Variants in ZBBX observed in about 807,000 individuals in gnomAD.
ZBBX encodes the protein zinc finger B-box domain-containing protein 1.
ZBBX carries 101 observed loss-of-function variants against 108.5 expected under a neutral mutation model. The observed-to-expected ratio is 0.93, with a 90% confidence interval of 0.79 to 1.10. ZBBX has a LOEUF of 1.10. Ranked by LOEUF, ZBBX falls within the 50% of genes least tolerant of loss-of-function variation. The pLI is 0.00. For missense variants in ZBBX, 1,009 were observed against 941.4 expected (o/e 1.07, Z -0.94); for synonymous variants, 356 against 323.4 (o/e 1.10, Z -1.08).
Position 167,298,412 on chromosome 3 carries a change from T to C in ZBBX, c.1772A>G (p.Tyr591Cys). ...AATAAAGAATCTCTCAAGTCCTTGA[T>C]ATTGTTTTGTTATAGGCTTACTTCT... Reference protein sequence around the residue: ...ACRSKPITKQYQGLERFFIFD... With the variant: ...ACRSKPITKQCQGLERFFIFD... Residue 591 changes from tyrosine (Y) to cysteine (C), a missense_variant, in exon 18 of 22, where the codon TAT becomes TGT. Physicochemically the swap from Tyr to Cys is radical, Grantham distance 194. Coordinates refer to ENST00000675490, the MANE Select transcript of ZBBX (RefSeq NM_001199201.2). 1 of 1,582,882 alleles carries C rather than the reference T, an allele frequency of 6.3e-7. No homozygotes were observed. The highest frequency in any genetic ancestry group is 8.6e-7 in the Non-Finnish European group (1 of 1,160,816).
the ZBBX span, among the ~76,000 whole-genome samples, chr3:167,216,521 C>A: frequency 2.2e-4 from 33 of 152,096 alleles, no homozygotes; most frequent in Non-Finnish European, 4.3e-4. Context: ...TAGGAAGAAT[C>A]AATGGTACTA....
rs141006972 is a variant in ZBBX, at chr3:167,347,017, G to A, written c.528+3403C>T. On this transcript the variant is annotated intron_variant, in intron 9 of 21. Transcript: ENST00000675490. Reference sequence around the variant, plus strand: ...ATCAGAATAGTGAATTTCTGAGGGGGAATATATCATCATAAACACTATATC... The same window carrying A: ...ATCAGAATAGTGAATTTCTGAGGGGAAATATATCATCATAAACACTATATC... Among the ~76,000 whole-genome samples, 12 of 151,822 alleles carry A rather than the reference G, an allele frequency of 7.9e-5. No individual in the cohort carries two copies. In the East Asian group the frequency reaches 2.3e-3, roughly 29 times the overall value.
Position 167,397,142 on chromosome 3 carries a change from T to TAAAAAAAAAAAAAAAAAAAAA in ZBBX, c.-446+10563_-446+10583dup, listed in dbSNP as rs61671930. 3.7e-4 allele frequency among the ~76,000 whole-genome samples: 27 copies of TAAAAAAAAAAAAAAAAAAAAA among 72,412 alleles called. 1 individual carries two copies. Among genetic ancestry groups the TAAAAAAAAAAAAAAAAAAAAA allele is most frequent in the African/African-American group, 1.0e-3 (19 of 18,712 alleles). 47.5% of individuals were successfully genotyped at this position (72,412 alleles called of 152,430 possible). A position where few individuals can be genotyped will look rare whatever the true frequency, so the allele number is the denominator to read the frequency against. Reference sequence around the variant, plus strand: ...GTCGTGAAGAAGAGGTTCTTGGTGGTAAAAAAAAAAAAAAAAAAAAAAAAT... The same window carrying TAAAAAAAAAAAAAAAAAAAAA: ...GTCGTGAAGAAGAGGTTCTTGGTGGTAAAAAAAAAAAAAAAAAAAAAAAAAAAAAAAAAAAAAAAAAAAAAT... On this transcript the variant is annotated intron_variant, in intron 1 of 21. Transcript: ENST00000455345.
chr3:167,256,753 C>T (rs752877772), intron 20 of ZBBX, among the ~76,000 whole-genome samples: 3 of 152,018 alleles, frequency 2.0e-5, no homozygotes, highest in Non-Finnish European at 4.4e-5. Context: ...GCTTATTTAA[C>T]TTAATGTAAT....
chr3:167,262,844 T>A (rs1478834255), intron 20 of ZBBX, among the ~76,000 whole-genome samples: 1 of 152,180 alleles, frequency 6.6e-6, no homozygotes, highest in African/African-American at 2.4e-5. Flanking sequence ...TCTATTTGGC[T>A]CTTCTCTCAT....
intron 20 of ZBBX, among the ~76,000 whole-genome samples, chr3:167,274,053 T>A (rs1262816672): frequency 6.6e-6 from 1 of 152,220 alleles, no homozygotes; most frequent in African/African-American, 2.4e-5. Flanking sequence ...AGAATGGCCC[T>A]AGACATGACG....
At chr3:167,232,728 T>G in the ZBBX span, among the ~76,000 whole-genome samples, 7 of 151,946 alleles carry the variant, frequency 4.6e-5, no homozygotes, top group Middle Eastern at 3.4e-3. Flanking sequence ...AATTAAGAAG[T>G]GTTTATGATG....
intron 20 of ZBBX, among the ~76,000 whole-genome samples, chr3:167,251,858 G>A (rs942840324): frequency 2.5e-4 from 38 of 151,800 alleles, no homozygotes; most frequent in African/African-American, 8.2e-4. Context: ...CCTGACAGGG[G>A]AACCTGGTTA....
intron 12 of ZBBX, among the ~76,000 whole-genome samples, chr3:167,319,682 T>A (rs373204958): frequency 2.0e-5 from 3 of 151,988 alleles, no homozygotes; most frequent in East Asian, 3.9e-4. Flanking sequence ...GGTGGAAAAT[T>A]TGTTTCTTTC....
intron 20 of ZBBX, among the ~76,000 whole-genome samples, chr3:167,280,270 C>T (rs1407587707): frequency 6.6e-6 from 1 of 150,932 alleles, no homozygotes; most frequent in Non-Finnish European, 1.5e-5. Flanking sequence ...AAGTAAACAG[C>T]TTCTGCACAG....
chr3:167,220,838 C>A, the ZBBX span, among the ~76,000 whole-genome samples: 7 of 151,770 alleles, frequency 4.6e-5, no homozygotes, highest in South Asian at 1.5e-3. Context: ...GTCTAAAGAC[C>A]ACCAAAAAAC....
chr3:167,407,385 A>G (rs1191421582), intron 1 of ZBBX, among the ~76,000 whole-genome samples: 1 of 152,104 alleles, frequency 6.6e-6, no homozygotes, highest in Non-Finnish European at 1.5e-5. Flanking sequence ...AAATAGGTAC[A>G]ATACTGTTTG....
intron 10 of ZBBX, among the ~76,000 whole-genome samples, chr3:167,329,579 G>T (rs1469120288): frequency 1.3e-5 from 2 of 152,120 alleles, no homozygotes; most frequent in African/African-American, 4.8e-5. Flanking sequence ...ATTGGATTTT[G>T]AAAGATAAAA....
intron 19 of ZBBX, 43 bp downstream of exon 19, chr3:167,288,824 G>T (rs7625651): frequency 0.32 from 449,510 of 1,393,368 alleles, 75,732 homozygotes; most frequent in East Asian, 0.63. Context: ...ACTAAAGGAA[G>T]TAAGCTGCCA....
chr3:167,305,575 G>A, intron 17 of ZBBX, 68 bp downstream of exon 17: 1 of 1,187,782 alleles, frequency 8.4e-7, no homozygotes. Context: ...AATGTATTGT[G>A]TCACTAAGAC....
At chr3:167,328,176 T>C in intron 10 of ZBBX, 60 bp from the exon 11 acceptor site, 1 of 1,510,046 alleles carries the variant, frequency 6.6e-7, no homozygotes, top group East Asian at 2.3e-5. Context: ...CCACAAAAAT[T>C]GTTTTAATAA....
At position 167,330,832 on chromosome 3, in the gene ZBBX, G is replaced by A. The variant is rs574915206; in HGVS notation, c.688-2716C>T. 3.0e-5 allele frequency among the ~76,000 whole-genome samples: 4 copies of A among 134,120 alleles called. No individual in the cohort carries two copies. In the East Asian group the frequency reaches 9.7e-4, roughly 32 times the overall value. 88.0% of individuals were successfully genotyped at this position (134,120 alleles called of 152,430 possible). On this transcript the variant is annotated intron_variant, in intron 10 of 21. Transcript: ENST00000675490. ...AGGAGGAGGAGAAGCAGAAGCAGAA[G>A]TAGAAGAGGAAGAGGAGGAGGAGGA...
intron 20 of ZBBX, chr3:167,248,717 C>A (rs1722035575): frequency 1.1e-5 from 5 of 451,274 alleles, no homozygotes; most frequent in Admixed American, 2.4e-5. Context: ...TGGGCAGAAC[C>A]AATTCCTACC....
At chr3:167,346,304 T>TC (rs1219848569) in intron 9 of ZBBX, among the ~76,000 whole-genome samples, 1 of 151,910 alleles carries the variant, frequency 6.6e-6, no homozygotes, top group African/African-American at 2.4e-5. Flanking sequence ...GTGTTTTGAA[T>TC]CACTGCCAAG....
Sources: gnomAD v4.1 joint callset for allele counts (sites outside exome capture counted in the v4.1 genomes callset) on GRCh38, gnomAD v4.1.1 for gene constraint, MANE v1.5 for transcripts, NCBI Gene and HGNC (gene_info 2026-07-23, HGNC 2026-07-21) for gene names.